Variants in SLC25A21 observed in about 807,000 individuals in gnomAD.
SLC25A21 encodes mitochondrial 2-oxodicarboxylate carrier.
In SLC25A21, 47 loss-of-function variants were observed where a neutral mutation model predicts 43.8. The observed-to-expected ratio is 1.07, with a 90% confidence interval of 0.85 to 1.37. The LOEUF (loss-of-function observed/expected upper bound fraction) is 1.37, where lower values mean the gene tolerates loss of function less well. SLC25A21 is among the 40% of genes most tolerant of loss of function. The probability of loss-of-function intolerance (pLI) is 0.00; values close to 1 mark genes in which losing one functional copy is unlikely to be tolerated. For synonymous variants in SLC25A21, 131 were observed against 121.3 expected (o/e 1.08, Z -0.52); for missense variants, 352 against 350.2 (o/e 1.00, Z -0.04).
rs10150081 is a variant in SLC25A21, at chr14:36,869,184, G to C, written c.119+5772C>G. Among the ~76,000 whole-genome samples, 1,026 of 152,260 alleles carry C rather than the reference G, an allele frequency of 6.7e-3. 18 individuals are homozygous for C. The highest frequency in any genetic ancestry group is 0.024 in the African/African-American group (985 of 41,536). On this transcript the variant is annotated intron_variant, in intron 2 of 9. Transcript: ENST00000331299. ...AAGTATAATATTTAGAAATATCAAA[G>C]TGAATTACAACAGGATCAGCTAAAA...
chr14:36,828,988 A>C (rs1888936867), intron 2 of SLC25A21, among the ~76,000 whole-genome samples: 1 of 152,046 alleles, frequency 6.6e-6, no homozygotes, highest in African/African-American at 2.4e-5. Context: ...TGCAACCTCC[A>C]CCTCATGGGC....
rs1033947934 is a variant in SLC25A21 at position 36,987,466 on chromosome 14, G to A, written c.71-112462C>T. On this transcript the variant is annotated intron_variant, in intron 1 of 9. Transcript: ENST00000331299. The stretch of plus-strand genomic sequence containing the variant: ...AAAATAAACTTTATAATCCTACTAC[G>A]TAGAGATAACTACTATTAACATTTT... 3.3e-5 allele frequency among the ~76,000 whole-genome samples: 5 copies of A among 152,034 alleles called. No homozygotes were observed. In the East Asian group the frequency reaches 5.8e-4, roughly 18 times the overall value.
intron 7 of SLC25A21, among the ~76,000 whole-genome samples, chr14:36,710,417 A>C (rs1156644233): frequency 6.6e-6 from 1 of 151,644 alleles, no homozygotes; most frequent in African/African-American, 2.4e-5. Context: ...GAAACGGGGA[A>C]AAAAAAGAAA....
At chr14:36,830,192 T>A (rs532408888) in intron 2 of SLC25A21, among the ~76,000 whole-genome samples, 1 of 152,214 alleles carries the variant, frequency 6.6e-6, no homozygotes, top group African/African-American at 2.4e-5. Context: ...TCATAGAGTA[T>A]TGCATCCAAA....
At chr14:37,116,785 C>T (rs1963114772) in intron 1 of SLC25A21, among the ~76,000 whole-genome samples, 1 of 152,116 alleles carries the variant, frequency 6.6e-6, no homozygotes, top group South Asian at 2.1e-4. Flanking sequence ...AAGAAAATCC[C>T]ACTGTCAATG....
intron 1 of SLC25A21, among the ~76,000 whole-genome samples, chr14:36,887,868 C>A (rs909147781): frequency 6.6e-6 from 1 of 152,110 alleles, no homozygotes; most frequent in East Asian, 1.9e-4. Context: ...GATTTAATTG[C>A]CTAAAAAGAA....
At chr14:36,750,119 G>C (rs558485813) in intron 3 of SLC25A21, among the ~76,000 whole-genome samples, 17 of 152,152 alleles carry the variant, frequency 1.1e-4, no homozygotes, top group Non-Finnish European at 1.8e-4. Context: ...TCCCACTGAC[G>C]CAGAATGTTG....
At chr14:36,830,171 CATTA>C (rs1302949707) in intron 2 of SLC25A21, among the ~76,000 whole-genome samples, 1 of 152,204 alleles carries the variant, frequency 6.6e-6, no homozygotes, top group East Asian at 1.9e-4. Context: ...CAAACGAATT[CATTA>C]GATATGTCAT....
At chr14:37,078,842 CTT>C (rs112086617) in intron 1 of SLC25A21, among the ~76,000 whole-genome samples, 6 of 144,222 alleles carry the variant, frequency 4.2e-5, no homozygotes, top group Admixed American at 7.0e-5. Flanking sequence ...CATTATTTTC[CTT>C]TTTTTTTTTT....
intron 2 of SLC25A21, among the ~76,000 whole-genome samples, chr14:36,862,764 A>G (rs1378024644): frequency 2.0e-5 from 3 of 152,236 alleles, no homozygotes; most frequent in African/African-American, 4.8e-5. Context: ...ATAATTTAAA[A>G]AAAGGAGATT....
At chr14:36,972,946 T>G (rs1959784793) in intron 1 of SLC25A21, among the ~76,000 whole-genome samples, 2 of 152,056 alleles carry the variant, frequency 1.3e-5, no homozygotes, top group Admixed American at 1.3e-4. Context: ...GATCCTCCCA[T>G]CTTAACCTCC....
At chr14:36,851,406 T>C (rs950253004) in intron 2 of SLC25A21, among the ~76,000 whole-genome samples, 1 of 152,190 alleles carries the variant, frequency 6.6e-6, no homozygotes, top group African/African-American at 2.4e-5. Context: ...TGAGTTTCTA[T>C]AATCAGGCAG....
chr14:36,716,799 A>G (rs765547764), intron 6 of SLC25A21, among the ~76,000 whole-genome samples: 16 of 152,180 alleles, frequency 1.1e-4, no homozygotes, highest in Non-Finnish European at 2.2e-4. Context: ...CTGGGTAAAT[A>G]CCAGTCAGAG....
chr14:37,014,059 T>C (rs1323702048), intron 1 of SLC25A21, among the ~76,000 whole-genome samples: 1 of 152,130 alleles, frequency 6.6e-6, no homozygotes, highest in Non-Finnish European at 1.5e-5. Context: ...AACTGTGATC[T>C]TTTTGCTGGT....
chr14:36,702,960 C>T (rs1464387125), intron 7 of SLC25A21, among the ~76,000 whole-genome samples: 2 of 152,188 alleles, frequency 1.3e-5, no homozygotes, highest in East Asian at 3.9e-4. Flanking sequence ...TCTGTGCAAA[C>T]TGCCAATGAA....
chr14:36,781,968 C>T (rs970296738), intron 3 of SLC25A21, among the ~76,000 whole-genome samples: 5 of 152,150 alleles, frequency 3.3e-5, no homozygotes. Flanking sequence ...AGAAAGTCTT[C>T]ATTTCTCCTT....
intron 1 of SLC25A21, 146 bp downstream of exon 1, chr14:37,172,135 C>G: frequency 1.2e-6 from 1 of 841,884 alleles, no homozygotes; most frequent in Non-Finnish European, 1.8e-6. Context: ...TCTCGCGCCT[C>G]TAGGGGCTCA....
intron 1 of SLC25A21, among the ~76,000 whole-genome samples, chr14:37,032,793 A>G (rs1421809239): frequency 6.6e-6 from 1 of 152,150 alleles, no homozygotes; most frequent in Non-Finnish European, 1.5e-5. Flanking sequence ...TTACTATACT[A>G]TTCAGGAAAA....
At chr14:36,967,850 C>CTG (rs999098114) in intron 1 of SLC25A21, among the ~76,000 whole-genome samples, 1 of 151,900 alleles carries the variant, frequency 6.6e-6, no homozygotes, top group South Asian at 2.1e-4. Flanking sequence ...GTGTGTGTGT[C>CTG]TGTGTGTGTG....
Sources: allele counts gnomAD v4.1 joint callset (sites outside exome capture counted in the v4.1 genomes callset), GRCh38; gene constraint gnomAD v4.1.1; transcripts MANE v1.5; gene names NCBI Gene and HGNC (gene_info 2026-07-23, HGNC 2026-07-21).